CARF: variants seen among roughly 807,000 people sequenced by gnomAD.
CARF encodes the protein calcium-responsive transcription factor.
A neutral mutation model predicts 82.0 loss-of-function variants in CARF; 57 were observed. That is an observed-to-expected ratio of 0.70 (90% CI 0.56 to 0.87). The LOEUF (loss-of-function observed/expected upper bound fraction) is 0.87, where lower values mean the gene tolerates loss of function less well. CARF is among the 40% of genes least tolerant of loss of function. The probability of loss-of-function intolerance (pLI) is 0.00; values close to 1 mark genes in which losing one functional copy is unlikely to be tolerated. For missense variants in CARF, 771 were observed against 855.8 expected (o/e 0.90, Z 1.24); for synonymous variants, 268 against 290.1 (o/e 0.92, Z 0.77).
chr2:202,986,499 A>C lies in CARF; in HGVS notation c.*2875A>C, dbSNP rs1246264393. The C allele has an allele frequency of 2.0e-5, 3 of 152,040 alleles. No homozygotes were observed. The highest frequency in any genetic ancestry group is 2.9e-5 in the Non-Finnish European group (2 of 67,968). The allele number at this position is 152,040 out of a possible 1,614,324, so 9.4% of individuals were successfully genotyped here. A position where few individuals can be genotyped will look rare whatever the true frequency, so the allele number is the denominator to read the frequency against. ...TTCACAATTACAGCTCAGCTTGTTTATTCATTATAGTTTCCACATTTCCAA... is the reference window on the plus strand; with the variant it reads ...TTCACAATTACAGCTCAGCTTGTTTCTTCATTATAGTTTCCACATTTCCAA... On this transcript the variant is annotated 3_prime_UTR_variant, in exon 17 of 17. Transcript: ENST00000438828.
At chr2:202,927,653 T>A (rs772843036) in intron 3 of CARF, among the ~76,000 whole-genome samples, 9 of 152,174 alleles carry the variant, frequency 5.9e-5, no homozygotes, top group Non-Finnish European at 8.8e-5. Context: ...GTTAGCATAT[T>A]CATCATCTCA....
intron 9 of CARF, among the ~76,000 whole-genome samples, chr2:202,965,596 T>C (rs543351558): frequency 3.9e-4 from 60 of 152,242 alleles, no homozygotes; most frequent in Non-Finnish European, 6.8e-4. Flanking sequence ...TAATTCTACA[T>C]GGGCAATTAC....
intron 3 of CARF, chr2:202,925,893 G>T: frequency 5.9e-6 from 1 of 168,876 alleles, no homozygotes; most frequent in Non-Finnish European, 1.3e-5. Context: ...ACCACCAGTG[G>T]CTACTCAAGG....
chr2:202,958,941 G>A (rs2059180556), intron 8 of CARF, among the ~76,000 whole-genome samples: 1 of 150,444 alleles, frequency 6.6e-6, no homozygotes, highest in Admixed American at 6.7e-5. Flanking sequence ...TAATGGCTGA[G>A]GAAATATTTT....
At chr2:202,930,488 G>T (rs941664791) in intron 3 of CARF, among the ~76,000 whole-genome samples, 2 of 152,042 alleles carry the variant, frequency 1.3e-5, no homozygotes, top group African/African-American at 4.8e-5. Context: ...CTCTCTGCTT[G>T]ATCAAGTCTG....
intron 13 of CARF, among the ~76,000 whole-genome samples, chr2:202,976,547 G>C (rs764755477): frequency 6.6e-5 from 10 of 152,070 alleles, no homozygotes; most frequent in African/African-American, 1.2e-4. Flanking sequence ...CTACTCTGAA[G>C]AGATTAATTA....
intron 3 of CARF, among the ~76,000 whole-genome samples, chr2:202,937,411 C>A (rs1053778895): frequency 6.6e-6 from 1 of 151,636 alleles, no homozygotes; most frequent in African/African-American, 2.4e-5. Flanking sequence ...GCCATTTTTT[C>A]AAGCATCTCA....
intron 15 of CARF, 90 bp from the exon 16 acceptor site, chr2:202,981,981 TC>T: frequency 7.5e-7 from 1 of 1,335,476 alleles, no homozygotes; most frequent in South Asian, 1.3e-5. Flanking sequence ...TTTTATTTGT[TC>T]GGATTTTTTG....
In CARF at chr2:202,982,013, A is replaced by G; in HGVS notation, c.1690-59A>G. The G allele has an allele frequency of 3.2e-6, 5 of 1,539,668 alleles. 1 individual carries two copies. The highest frequency in any genetic ancestry group is 4.1e-5 in the Admixed American group (2 of 48,974). ...TTTTGTCAAAAGAATTGTATATCCT[A>G]TGAGAATATCATACATAGGAAATTC... On this transcript the variant is annotated intron_variant, in intron 15 of 16. Coordinates refer to ENST00000438828, the MANE Select transcript of CARF (RefSeq NM_024744.17).
intron 3 of CARF, among the ~76,000 whole-genome samples, chr2:202,941,579 A>C (rs1048624046): frequency 5.6e-4 from 85 of 152,310 alleles, no homozygotes; most frequent in Non-Finnish European, 2.2e-4. Context: ...GTATACCAGT[A>C]CCTTGTCACA....
chr2:202,955,747 A>G lies in CARF; in HGVS notation c.631A>G (p.Arg211Gly). ...SNTPIWACRL[R>G]SCEKIGDSYR... ...TACACCTATATGGGCCTGCCGTCTT[A>G]GGAGCTGTGAGGTGAGTTATAAATA... Residue 211 changes from arginine to glycine, a missense_variant, in exon 8 of 17, where the codon AGG (arginine) becomes GGG (glycine). Coordinates refer to ENST00000438828, the MANE Select transcript of CARF (RefSeq NM_024744.17). 1 of 1,609,938 alleles carries G rather than the reference A, an allele frequency of 6.2e-7. No homozygotes were observed. Among genetic ancestry groups the G allele is most frequent in the Non-Finnish European group, 8.5e-7 (1 of 1,177,570 alleles).
chr2:202,913,019 A>G lies in CARF; in HGVS notation c.-413A>G, dbSNP rs71425970. Reference sequence around the variant, plus strand: ...GATGGAGATAACTATCCTGATCCCAATGTCACTTTTTAAGGCATTCGCTTC... The same window carrying G: ...GATGGAGATAACTATCCTGATCCCAGTGTCACTTTTTAAGGCATTCGCTTC... On this transcript the variant is annotated 5_prime_UTR_variant, in exon 1 of 17. The change abolishes an upstream ATG in the 5' untranslated region. Coordinates refer to ENST00000438828, the MANE Select transcript of CARF (RefSeq NM_024744.17). The G allele has an allele frequency of 1.6e-4, 24 of 152,326 alleles. No homozygotes were observed. The highest frequency in any genetic ancestry group is 4.6e-4 in the African/African-American group (19 of 41,568). 9.4% of individuals were successfully genotyped at this position (152,326 alleles called of 1,614,324 possible).
At chr2:202,940,421 C>T (rs1006849383) in intron 3 of CARF, among the ~76,000 whole-genome samples, 1 of 152,118 alleles carries the variant, frequency 6.6e-6, no homozygotes, top group Non-Finnish European at 1.5e-5. Flanking sequence ...TAATTATATT[C>T]AATCTTAGAT....
In CARF at chr2:202,913,121, A is replaced by C. The variant is rs1397206090; in HGVS notation, c.-330+19A>C. ...CAGACCGGTATGTGTGCAGGTGAAG[A>C]CAAAGCTTTCCTTTTTTACGTTGTT... is the stretch of plus-strand genomic sequence containing the variant. On this transcript the variant is annotated intron_variant, in intron 1 of 16. Transcript: ENST00000438828. 1 of 152,208 alleles carries C rather than the reference A, an allele frequency of 6.6e-6. No individual in the cohort carries two copies. The highest frequency in any genetic ancestry group is 1.5e-5 in the Non-Finnish European group (1 of 68,044). 9.4% of individuals were successfully genotyped at this position (152,208 alleles called of 1,614,324 possible).
rs1574586650 is a variant in CARF at position 202,941,788 on chromosome 2, G to A, written c.-43-72G>A. The A allele has an allele frequency of 1.6e-5, 11 of 696,432 alleles. No homozygotes were observed. In the East Asian group the frequency reaches 2.3e-4, roughly 14 times the overall value. 43.1% of individuals were successfully genotyped at this position (696,432 alleles called of 1,614,324 possible). ...GGGTACCACAGTAGTGAATATGAGA[G>A]ATTTGTTTAAGATAAAACAGTCCAC... On this transcript the variant is annotated intron_variant, in intron 3 of 16. Coordinates refer to ENST00000438828, the MANE Select transcript of CARF (RefSeq NM_024744.17).
chr2:202,919,162 C>T (rs1297304632), intron 2 of CARF, among the ~76,000 whole-genome samples: 1 of 152,144 alleles, frequency 6.6e-6, no homozygotes, highest in Admixed American at 6.5e-5. Flanking sequence ...CCAAGTAAAA[C>T]TTTTCACTCC....
Position 202,953,998 on chromosome 2 carries a change from T to G in CARF, c.428-7T>G. 6.3e-7 allele frequency: 1 copy of G among 1,595,550 alleles called. No homozygotes were observed. ...GATGTTACTTTGTTCTTGTTTTTGT[T>G]GTTAAGATGTCCCTGAAGAGAAACC... is the stretch of plus-strand genomic sequence containing the variant. On this transcript the variant is annotated splice_polypyrimidine_tract_variant and splice_region_variant and intron_variant, in intron 6 of 16. Transcript: ENST00000438828.
intron 5 of CARF, among the ~76,000 whole-genome samples, chr2:202,947,651 C>CA (rs1209415838): frequency 1.3e-5 from 2 of 152,030 alleles, no homozygotes; most frequent in Non-Finnish European, 2.9e-5. Flanking sequence ...AAACAAAAAA[C>CA]AAAAAACCAG....
intron 2 of CARF, among the ~76,000 whole-genome samples, chr2:202,918,338 G>T (rs1169167712): frequency 6.6e-6 from 1 of 152,078 alleles, no homozygotes; most frequent in Non-Finnish European, 1.5e-5. Flanking sequence ...GGCTAACACG[G>T]TGAAACCCCG....
Sources: allele counts gnomAD v4.1 joint callset (sites outside exome capture counted in the v4.1 genomes callset), GRCh38; gene constraint gnomAD v4.1.1; transcripts MANE v1.5; gene names NCBI Gene and HGNC (gene_info 2026-07-23, HGNC 2026-07-21).